The following PDXDC1 variants were observed in gnomAD, a reference collection of about 807,000 sequenced individuals.
PDXDC1 encodes pyridoxal dependent decarboxylase domain containing 1, also known as pyridoxal-dependent decarboxylase domain-containing protein 1.
Under a neutral mutation model 100.1 loss-of-function variants are expected in PDXDC1, and 42 were observed. The ratio of observed to expected loss-of-function variants is 0.42; its 90% CI spans 0.33 to 0.54. PDXDC1 has a LOEUF of 0.54. PDXDC1 is among the 20% of genes least tolerant of loss of function. PDXDC1 has a pLI of 0.10. For missense variants in PDXDC1, 636 were observed against 979.2 expected (o/e 0.65, Z 4.68); for synonymous variants, 260 against 371.7 (o/e 0.70, Z 3.46).
chr16:15,070,998 G>A (rs1447784320), intron 16 of PDXDC1: 6 of 763,156 alleles, frequency 7.9e-6, no homozygotes, highest in East Asian at 2.6e-5. Flanking sequence ...CTTGCACAGA[G>A]TAGGGATTTT....
chr16:15,132,277 A>G (rs183536851), intron 16 of PDXDC1, among the ~76,000 whole-genome samples: 1,920 of 2,702 alleles, frequency 0.71, 712 homozygotes, highest in Admixed American at 0.84. Context: ...AGCGGGAGGA[A>G]GTGAGGGGAA....
At chr16:15,008,481 T>G (rs916745756) in intron 6 of PDXDC1, among the ~76,000 whole-genome samples, 27 of 152,290 alleles carry the variant, frequency 1.8e-4, no homozygotes, top group Non-Finnish European at 3.7e-4. Context: ...ACCCAGTTGT[T>G]TCTGTGTTTG....
chr16:14,990,618 T>C (rs1291802263), intron 1 of PDXDC1, among the ~76,000 whole-genome samples: 2 of 152,288 alleles, frequency 1.3e-5, no homozygotes, highest in Non-Finnish European at 2.9e-5. Context: ...AACAAACACG[T>C]GAGGGTCTAT....
chr16:15,133,394 T>C (rs1448911391), intron 16 of PDXDC1: 26 of 1,093,368 alleles, frequency 2.4e-5, no homozygotes, highest in African/African-American at 3.1e-5. Context: ...TGCGCTGCCG[T>C]TGGGCTCTGG....
rs1486547936 is a variant in PDXDC1, at chr16:15,055,799, G to A, written c.1399+25743G>A. ...GCTCCGGATGTGCCAACAGCGCCAA[G>A]TTTCAAGTCTGTGTCGCGTGAGGGG... On this transcript the variant is annotated intron_variant, in intron 16 of 16. Transcript: ENST00000535621. 11 of 691,942 alleles carry A rather than the reference G, an allele frequency of 1.6e-5. No homozygotes were observed. The East Asian group carries it at 3.9e-4, about 24-fold the overall frequency. 42.9% of individuals were successfully genotyped at this position (691,942 alleles called of 1,614,324 possible). A position where few individuals can be genotyped will look rare whatever the true frequency, so the allele number is the denominator to read the frequency against.
rs58185654 is a variant in PDXDC1, at chr16:15,013,874, CAAAAAAAAA to C, written c.728-2240_728-2232del. ...TGGGCGACAGAAAGGGTCTCTGTCT[CAAAAAAAAA>C]AAAAAAAAAAAAAATCATACTACAA... On this transcript the variant is annotated intron_variant, in intron 8 of 22. Coordinates refer to ENST00000396410, the MANE Select transcript of PDXDC1 (RefSeq NM_015027.4). Among the ~76,000 whole-genome samples, 1,137 of 135,986 alleles carry C rather than the reference CAAAAAAAAA, an allele frequency of 8.4e-3. 16 individuals are homozygous for C. The highest frequency in any genetic ancestry group is 0.03 in the African/African-American group (1,075 of 36,086). The allele number at this position is 135,986 out of a possible 152,430, so 89.2% of individuals were successfully genotyped here.
At chr16:14,979,314 G>A (rs1276968526) in intron 1 of PDXDC1, among the ~76,000 whole-genome samples, 5 of 152,162 alleles carry the variant, frequency 3.3e-5, no homozygotes, top group African/African-American at 1.2e-4. Flanking sequence ...TTTTGAGATG[G>A]AGTCTCCCTC....
At chr16:15,020,236 T>TA (rs2042088114) in intron 12 of PDXDC1, among the ~76,000 whole-genome samples, 2 of 152,192 alleles carry the variant, frequency 1.3e-5, no homozygotes, top group African/African-American at 4.8e-5. Flanking sequence ...GAAATATAAA[T>TA]TATATGACAA....
chr16:15,079,655 C>T (rs1031669009), intron 16 of PDXDC1, among the ~76,000 whole-genome samples: 6 of 151,464 alleles, frequency 4.0e-5, no homozygotes, highest in Non-Finnish European at 5.9e-5. Context: ...TGCAGTGGCA[C>T]GATCTCAGCT....
downstream of PDXDC1, among the ~76,000 whole-genome samples, chr16:15,141,482 T>A (rs1431417702): frequency 6.6e-6 from 1 of 152,156 alleles, no homozygotes; most frequent in Non-Finnish European, 1.5e-5. Context: ...AGGGCACGGT[T>A]GGGGGTGCAG....
At chr16:15,028,997 C>T (rs1211174855) in intron 15 of PDXDC1, 31 bp downstream of exon 15, 10 of 1,603,076 alleles carry the variant, frequency 6.2e-6, no homozygotes, top group African/African-American at 2.7e-5. Context: ...CCTTTCCTTT[C>T]AGGTCCCCGT....
intron 16 of PDXDC1, among the ~76,000 whole-genome samples, chr16:15,122,823 GGGGGAGGGGAA>G (rs1192698107): frequency 1.4e-3 from 51 of 36,978 alleles, no homozygotes; most frequent in Middle Eastern, 0.023. Flanking sequence ...GAGTTGGGGA[GGGGGAGGGGAA>G]GGGGAGGGGA....
At chr16:15,142,010 T>G (rs898662220), downstream of PDXDC1, among the ~76,000 whole-genome samples, 2 of 151,960 alleles carry the variant, frequency 1.3e-5, no homozygotes, top group Admixed American at 6.5e-5. Context: ...GAGGCCACGG[T>G]GAACACAGGC....
At chr16:15,038,373 C>T, downstream of PDXDC1, 1 of 630,768 alleles carries the variant, frequency 1.6e-6, no homozygotes, top group Non-Finnish European at 2.8e-6. Flanking sequence ...TTGCTTACTG[C>T]TTTACCCACA....
chr16:15,031,693 G>A (rs1225040284), intron 16 of PDXDC1, 42 bp from the exon 17 acceptor site: 1 of 1,559,478 alleles, frequency 6.4e-7, no homozygotes, highest in Non-Finnish European at 8.8e-7. Context: ...CTTGTCATTG[G>A]CCATCTCGTG....
Position 15,033,386 on chromosome 16 carries a change from A to G in PDXDC1, c.1799A>G (p.Glu600Gly). The change falls in exon 19 of 23, where the codon GAG becomes GGG. Residue 600 changes from glutamate (E) to glycine (G), a missense_variant. Transcript: ENST00000396410. ...ETIAATAREI[E>G]ENSRLLENMT... ...ATTGCGGCCACAGCCCGGGAGATAG[A>G]GGAGAACTCGAGGGTCCGTAGCACC... 6.2e-7 allele frequency: 1 copy of G among 1,614,112 alleles called. No homozygotes were observed. Among genetic ancestry groups the G allele is most frequent in the Non-Finnish European group, 8.5e-7 (1 of 1,179,994 alleles).
chr16:14,998,862 T>G (rs1972561485), intron 3 of PDXDC1, among the ~76,000 whole-genome samples: 1 of 152,290 alleles, frequency 6.6e-6, no homozygotes, highest in African/African-American at 2.4e-5. Context: ...ATTAGAAAAC[T>G]GAAGTGTCGT....
At chr16:15,090,466 G>C (rs1238878124) in intron 16 of PDXDC1, among the ~76,000 whole-genome samples, 1 of 152,128 alleles carries the variant, frequency 6.6e-6, no homozygotes, top group East Asian at 1.9e-4. Flanking sequence ...TTTAAACATG[G>C]CATGCACCTA....
chr16:14,981,307 C>T (rs1342918200), intron 1 of PDXDC1, among the ~76,000 whole-genome samples: 1 of 152,286 alleles, frequency 6.6e-6, no homozygotes, highest in East Asian at 1.9e-4. Context: ...CTAACAATCC[C>T]TGAACAAGGT....
Sources: allele counts gnomAD v4.1 joint callset (sites outside exome capture counted in the v4.1 genomes callset), GRCh38; gene constraint gnomAD v4.1.1; transcripts MANE v1.5; gene names NCBI Gene and HGNC (gene_info 2026-07-23, HGNC 2026-07-21).